TBC1D22A: variants seen among roughly 807,000 people sequenced by gnomAD.
TBC1D22A encodes putative GTPase activator.
A neutral mutation model predicts 60.2 loss-of-function variants in TBC1D22A; 38 were observed. The ratio of observed to expected loss-of-function variants is 0.63; its 90% CI spans 0.49 to 0.83. The LOEUF is 0.83. TBC1D22A is among the 40% of genes least tolerant of loss of function. TBC1D22A has a pLI of 0.00. For synonymous variants in TBC1D22A, 302 were observed against 281.7 expected (o/e 1.07, Z -0.72); for missense variants, 628 against 701.0 (o/e 0.90, Z 1.18).
chr22:46,783,591 GTTT>G (rs10551971), intron 1 of TBC1D22A, among the ~76,000 whole-genome samples: 100 of 151,344 alleles, frequency 6.6e-4, no homozygotes, highest in African/African-American at 2.3e-3. Context: ...TGCAGGAGCA[GTTT>G]TTTTTTTACC....
chr22:46,947,076 C>T (rs979791664), intron 8 of TBC1D22A, among the ~76,000 whole-genome samples: 2 of 152,152 alleles, frequency 1.3e-5, no homozygotes, highest in African/African-American at 4.8e-5. Context: ...GCCCAGCCTC[C>T]CCAGGCCACA....
At chr22:47,045,801 C>T (rs1041631338) in intron 11 of TBC1D22A, among the ~76,000 whole-genome samples, 5 of 152,190 alleles carry the variant, frequency 3.3e-5, no homozygotes, top group Non-Finnish European at 7.3e-5. Flanking sequence ...CTGCTGTTCA[C>T]CCAGGAAGCT....
rs185690910 is a variant in TBC1D22A at position 46,769,030 on chromosome 22, G to T, written c.62+6182G>T. ...AATCATTTGAATCTGGGAGGTGGAG[G>T]TTGCAGTGAGCTGAGATCGCGTCAC... is the stretch of plus-strand genomic sequence containing the variant. On this transcript the variant is annotated intron_variant, in intron 1 of 12. Transcript: ENST00000337137. Among the ~76,000 whole-genome samples, 11 of 142,518 alleles carry T rather than the reference G, an allele frequency of 7.7e-5. No individual in the cohort carries two copies. In the East Asian group the frequency reaches 2.1e-3, roughly 28 times the overall value. The allele number at this position is 142,518 out of a possible 152,430, so 93.5% of individuals were successfully genotyped here. A position where few individuals can be genotyped will look rare whatever the true frequency, so the allele number is the denominator to read the frequency against.
chr22:46,840,719 C>A (rs1033435925), intron 4 of TBC1D22A, among the ~76,000 whole-genome samples: 1 of 148,460 alleles, frequency 6.7e-6, no homozygotes, highest in Non-Finnish European at 1.5e-5. Flanking sequence ...GGTGGCAGAG[C>A]GAGACTCTGT....
chr22:46,959,702 G>A (rs1192520530), intron 8 of TBC1D22A, among the ~76,000 whole-genome samples: 3 of 152,102 alleles, frequency 2.0e-5, no homozygotes, highest in Non-Finnish European at 4.4e-5. Flanking sequence ...GGTCAGAGCC[G>A]GCCAAGCCCA....
At chr22:46,930,684 C>T (rs1012443387) in intron 8 of TBC1D22A, among the ~76,000 whole-genome samples, 2 of 150,966 alleles carry the variant, frequency 1.3e-5, no homozygotes, top group Non-Finnish European at 2.9e-5. Flanking sequence ...AGGATGGTCT[C>T]GATCTCCTGA....
chr22:46,831,378 G>C (rs1256976970), intron 4 of TBC1D22A, among the ~76,000 whole-genome samples: 1 of 152,142 alleles, frequency 6.6e-6, no homozygotes, highest in Non-Finnish European at 1.5e-5. Flanking sequence ...CAAGATACCT[G>C]CTCCAAGGTC....
At chr22:47,041,384 C>T (rs945409322) in intron 11 of TBC1D22A, among the ~76,000 whole-genome samples, 19 of 152,170 alleles carry the variant, frequency 1.2e-4, no homozygotes, top group South Asian at 4.1e-4. Context: ...GGGTCAGAGC[C>T]GCCTCACACC....
chr22:47,077,164 G>A (rs537509783), intron 11 of TBC1D22A, among the ~76,000 whole-genome samples: 1 of 152,308 alleles, frequency 6.6e-6, no homozygotes, highest in East Asian at 1.9e-4. Flanking sequence ...GAAGAAGAAG[G>A]GGAGAAAGAG....
At chr22:46,992,301 G>A (rs2074973707) in intron 9 of TBC1D22A, among the ~76,000 whole-genome samples, 1 of 152,256 alleles carries the variant, frequency 6.6e-6, no homozygotes, top group Non-Finnish European at 1.5e-5. Flanking sequence ...GGGCTGGGAC[G>A]ACCCGTCCGA....
chr22:46,903,203 G>C (rs1212212898), intron 7 of TBC1D22A, among the ~76,000 whole-genome samples: 1 of 152,196 alleles, frequency 6.6e-6, no homozygotes, highest in African/African-American at 2.4e-5. Flanking sequence ...GGGCGTTCGG[G>C]ACCGAGGGCT....
intron 11 of TBC1D22A, among the ~76,000 whole-genome samples, chr22:47,062,684 G>T (rs1454127618): frequency 6.6e-6 from 1 of 152,208 alleles, no homozygotes; most frequent in Non-Finnish European, 1.5e-5. Flanking sequence ...ACCTTAGGAA[G>T]TGGGTGAGGG....
chr22:47,142,345 A>ATTCT (rs1229327203), intron 12 of TBC1D22A, among the ~76,000 whole-genome samples: 26 of 100,662 alleles, frequency 2.6e-4, no homozygotes, highest in Admixed American at 8.0e-4. Flanking sequence ...CCACCCACCC[A>ATTCT]TCCATCCACC....
chr22:46,813,477 C>G (rs890702327), intron 4 of TBC1D22A, among the ~76,000 whole-genome samples: 5 of 152,096 alleles, frequency 3.3e-5, no homozygotes, highest in African/African-American at 1.2e-4. Context: ...TTGGCTTTTC[C>G]GTTTTCCCAG....
rs879641573 is a variant in TBC1D22A, at chr22:46,990,963, G to A, written c.1126-6671G>A. On this transcript the variant is annotated intron_variant, in intron 9 of 12. Transcript: ENST00000337137. This position sits in a 1 kb window ranked among gnomAD's most constrained non-coding sequence, Gnocchi z 4.6. ...GTTTCCAGTGGTTTACAGAGGCACT[G>A]GTTCCTCTGGCCTGGCTGGGTTGGG... Among the ~76,000 whole-genome samples the A allele has an allele frequency of 2.0e-5, 3 of 152,228 alleles. No individual in the cohort carries two copies. The highest frequency in any genetic ancestry group is 2.0e-4 in the Admixed American group (3 of 15,286).
At chr22:46,825,674 A>C (rs914425665) in intron 4 of TBC1D22A, among the ~76,000 whole-genome samples, 1 of 151,550 alleles carries the variant, frequency 6.6e-6, no homozygotes, top group African/African-American at 2.4e-5. Flanking sequence ...GGGTTTTGCC[A>C]TGTTGGCCAG....
At chr22:46,954,693 G>C (rs957579480) in intron 8 of TBC1D22A, among the ~76,000 whole-genome samples, 1 of 152,172 alleles carries the variant, frequency 6.6e-6, no homozygotes, top group East Asian at 1.9e-4. Context: ...CAGCTGATTC[G>C]TTTGGGCTGG....
At position 46,954,004 on chromosome 22, in the gene TBC1D22A, A is replaced by C. The variant is rs537085239; in HGVS notation, c.1016-20286A>C. Among the ~76,000 whole-genome samples the C allele has an allele frequency of 4.2e-4, 64 of 152,362 alleles. 1 individual carries two copies. The highest frequency in any genetic ancestry group is 1.4e-3 in the African/African-American group (60 of 41,590). The stretch of plus-strand genomic sequence containing the variant: ...CAGAGCTGTGATGGTCTGATGCCAG[A>C]GACAGTCTGCATCTTAACCACTTTA... On this transcript the variant is annotated intron_variant, in intron 8 of 12. Coordinates refer to ENST00000337137, the MANE Select transcript of TBC1D22A (RefSeq NM_014346.5).
intron 8 of TBC1D22A, among the ~76,000 whole-genome samples, chr22:46,943,120 G>A (rs1038382520): frequency 2.6e-5 from 4 of 151,682 alleles, no homozygotes; most frequent in Non-Finnish European, 5.9e-5. Flanking sequence ...AAGGAGGAGA[G>A]AGCTAATTGC....
Sources: gnomAD v4.1 joint callset for allele counts (sites outside exome capture counted in the v4.1 genomes callset) on GRCh38, gnomAD v4.1.1 for gene constraint, Gnocchi (gnomAD v3.1) non-coding constraint, MANE v1.5 for transcripts, NCBI Gene and HGNC (gene_info 2026-07-23, HGNC 2026-07-21) for gene names.